The following BTAF1 variants were observed in gnomAD, a reference collection of about 807,000 sequenced individuals.
The protein encoded by BTAF1 is B-TFIID TATA-box binding protein associated factor 1, also known as TATA-binding protein-associated factor 172.
A neutral mutation model predicts 227.1 loss-of-function variants in BTAF1; 38 were observed. The observed-to-expected ratio is 0.17, with a 90% CI of 0.13 to 0.22. BTAF1 has a LOEUF of 0.22. Ranked by LOEUF, BTAF1 falls within the 10% of genes least tolerant of loss-of-function variation. The pLI is 1.00. For synonymous variants in BTAF1, 742 were observed against 751.9 expected (o/e 0.99, Z 0.21); for missense variants, 1,598 against 2,204.0 (o/e 0.73, Z 5.51).
rs1346858395 is a variant in BTAF1, at chr10:91,997,699, G to C, written c.3608G>C (p.Arg1203Thr). The C allele has an allele frequency of 6.2e-7, 1 of 1,614,056 alleles. No individual in the cohort carries two copies. Among genetic ancestry groups the C allele is most frequent in the Non-Finnish European group, 8.5e-7 (1 of 1,180,014 alleles). Residue 1203 changes from arginine (R) to threonine (T), a missense_variant, in exon 25 of 38, where the codon AGA becomes ACA. Around this residue, in one of 10 missense-constraint regions of BTAF1, gnomAD observed 425 missense variants for 491.2 expected, o/e 0.87. Coordinates refer to ENST00000265990, the MANE Select transcript of BTAF1 (RefSeq NM_003972.3). Reference sequence around the variant, plus strand: ...ATGAGTGATCAGACAGACAGTGTGAGATTCATGGCCACGCAGTGCTTTGCA... The same window carrying C: ...ATGAGTGATCAGACAGACAGTGTGACATTCATGGCCACGCAGTGCTTTGCA... Reference protein sequence around the residue: ...GRMSDQTDSVRFMATQCFATL... With the variant: ...GRMSDQTDSVTFMATQCFATL...
chr10:91,980,365 G>A, intron 14 of BTAF1, 89 bp from the exon 15 acceptor site: 3 of 946,794 alleles, frequency 3.2e-6, no homozygotes, highest in Non-Finnish European at 5.0e-6. Flanking sequence ...TTTCATGGTA[G>A]TACTTTTGTT....
In BTAF1 at chr10:92,029,080, G is replaced by A; in HGVS notation, c.*147G>A. ...GCATAATGCTGGCTCTTGTTTCACT[G>A]GGGGAAACAAGTTATTCTCAAATAT... On this transcript the variant is annotated 3_prime_UTR_variant, in exon 38 of 38. Transcript: ENST00000265990. 1.6e-6 allele frequency: 1 copy of A among 643,006 alleles called. No homozygotes were observed. The highest frequency in any genetic ancestry group is 3.4e-5 in the South Asian group (1 of 29,554). 39.8% of individuals were successfully genotyped at this position (643,006 alleles called of 1,614,324 possible).
At chr10:91,938,976 A>C (rs1221497199) in intron 2 of BTAF1, among the ~76,000 whole-genome samples, 23 of 43,424 alleles carry the variant, frequency 5.3e-4, no homozygotes, top group Non-Finnish European at 7.8e-4. Flanking sequence ...CCATTTCTGC[A>C]AAAAAAAAAA....
rs967360737 is a variant in BTAF1 at position 92,029,677 on chromosome 10, A to G, written c.*744A>G. On this transcript the variant is annotated 3_prime_UTR_variant, in exon 38 of 38. Transcript: ENST00000265990. ...TAACATATGTACTCAATAGGTTTCA[A>G]TCATATATATAATATATTTTTTGTA... is the stretch of plus-strand genomic sequence containing the variant. 1 of 151,764 alleles carries G rather than the reference A, an allele frequency of 6.6e-6. No homozygotes were observed. The highest frequency in any genetic ancestry group is 2.4e-5 in the African/African-American group (1 of 41,164). 9.4% of individuals were successfully genotyped at this position (151,764 alleles called of 1,614,324 possible).
At chr10:92,005,096 T>C (rs944422280) in intron 25 of BTAF1, among the ~76,000 whole-genome samples, 1 of 152,218 alleles carries the variant, frequency 6.6e-6, no homozygotes, top group Non-Finnish European at 1.5e-5. Context: ...TGGTCTTTGC[T>C]GTTTTTATGC....
Position 92,018,806 on chromosome 10 carries a change from G to A in BTAF1, c.4734G>A (p.Leu1578=), listed in dbSNP as rs765158380. The change falls in exon 34 of 38, where the codon CTG becomes CTA. Residue 1578 remains leucine, a synonymous_variant. Transcript: ENST00000265990. ...VFQALQYLRK[L]CNHPALVLTP... ...AGGCATTACAGTACTTACGTAAACT[G>A]TGCAACCATCCAGCATTAGTCTTAA... 6.9e-6 allele frequency: 11 copies of A among 1,590,940 alleles called. No homozygotes were observed. The highest frequency in any genetic ancestry group is 1.9e-5 in the Admixed American group (1 of 53,366).
At chr10:92,014,977 T>G (rs926203544) in intron 32 of BTAF1, among the ~76,000 whole-genome samples, 2 of 152,254 alleles carry the variant, frequency 1.3e-5, no homozygotes, top group African/African-American at 4.8e-5. Context: ...ATATTGTATC[T>G]TATGGGATGA....
intron 34 of BTAF1, among the ~76,000 whole-genome samples, chr10:92,019,228 A>G (rs1229352359): frequency 4.6e-5 from 7 of 152,364 alleles, no homozygotes; most frequent in African/African-American, 1.7e-4. Context: ...CTCTATATTC[A>G]TCAAGCAATA....
Position 91,929,055 on chromosome 10 carries a change from C to G in BTAF1, c.14+4965C>G, listed in dbSNP as rs1027901519. Among the ~76,000 whole-genome samples the G allele has an allele frequency of 6.6e-5, 10 of 152,276 alleles. No homozygotes were observed. The East Asian group carries it at 7.7e-4, about 12-fold the overall frequency. On this transcript the variant is annotated intron_variant, in intron 1 of 37. Coordinates refer to ENST00000265990, the MANE Select transcript of BTAF1 (RefSeq NM_003972.3). ...TTGCAAACTCCTGGGCTCCAGTGATCCACGTGGCTTTGCCCCTAAAGTGCT... is the reference window on the plus strand; with the variant it reads ...TTGCAAACTCCTGGGCTCCAGTGATGCACGTGGCTTTGCCCCTAAAGTGCT...
intron 14 of BTAF1, among the ~76,000 whole-genome samples, chr10:91,975,881 C>T (rs937560379): frequency 2.0e-5 from 3 of 152,174 alleles, no homozygotes; most frequent in African/African-American, 4.8e-5. Context: ...TGACACCAAA[C>T]GTGTGGGTTT....
Position 91,982,092 on chromosome 10 carries a change from G to A in BTAF1, c.1915G>A (p.Gly639Ser), listed in dbSNP as rs752781669. Reference protein sequence around the residue: ...EVKARAKEKTGGKVRQGQSQN... With the variant: ...EVKARAKEKTSGKVRQGQSQN... Reference sequence around the variant, plus strand: ...TCCCCTCCCTCTGTAGGAAAAAACAGGTGGTAAGGTGCGCCAAGGCCAAAG... The same window carrying A: ...TCCCCTCCCTCTGTAGGAAAAAACAAGTGGTAAGGTGCGCCAAGGCCAAAG... Residue 639 changes from glycine (G) to serine (S), a missense_variant, in exon 17 of 38, where the codon GGT becomes AGT. Coordinates refer to ENST00000265990, the MANE Select transcript of BTAF1 (RefSeq NM_003972.3). The A allele has an allele frequency of 1.1e-5, 17 of 1,612,298 alleles. No homozygotes were observed. The South Asian group carries it at 1.8e-4, about 17-fold the overall frequency.
Position 91,959,920 on chromosome 10 carries a change from C to T in BTAF1, c.1086+40C>T, listed in dbSNP as rs756267328. On this transcript the variant is annotated intron_variant, in intron 10 of 37. Coordinates refer to ENST00000265990, the MANE Select transcript of BTAF1 (RefSeq NM_003972.3). ...AGGGAGGCTTTGCCCAATCAAATTT[C>T]AAATTCTACAAAATACGTTTTTTGC... The T allele has an allele frequency of 1.7e-5, 27 of 1,600,164 alleles. No individual in the cohort carries two copies. The East Asian group carries it at 4.0e-4, about 24-fold the overall frequency.
intron 3 of BTAF1, 31 bp downstream of exon 3, chr10:91,940,097 T>G (rs781516991): frequency 7.1e-7 from 1 of 1,406,060 alleles, no homozygotes; most frequent in African/African-American, 1.4e-5. Context: ...TAGTTTTAAG[T>G]AAAAACCTAA....
intron 1 of BTAF1, among the ~76,000 whole-genome samples, chr10:91,926,108 A>G (rs1230397895): frequency 6.6e-6 from 1 of 152,036 alleles, no homozygotes; most frequent in Non-Finnish European, 1.5e-5. Flanking sequence ...TTGAATGGCA[A>G]ATTTTAGTTT....
At chr10:91,933,896 A>G (rs1844426044) in intron 1 of BTAF1, among the ~76,000 whole-genome samples, 1 of 152,230 alleles carries the variant, frequency 6.6e-6, no homozygotes, top group South Asian at 2.1e-4. Context: ...ATATTGGAGA[A>G]AGGATGATTG....
At chr10:91,982,529 A>G (rs927338646) in intron 17 of BTAF1, 58 bp from the exon 18 acceptor site, 4 of 1,519,282 alleles carry the variant, frequency 2.6e-6, no homozygotes, top group Non-Finnish European at 8.8e-7. Context: ...TTCCCGAAGT[A>G]TGGGGAAACT....
chr10:91,951,347 G>A (rs1448094687), intron 4 of BTAF1, 56 bp from the exon 5 acceptor site: 9 of 1,545,564 alleles, frequency 5.8e-6, no homozygotes, highest in African/African-American at 2.8e-5. Context: ...TGATGTGCAC[G>A]TATTAGAAAA....
intron 19 of BTAF1, among the ~76,000 whole-genome samples, chr10:91,985,444 A>G (rs1589879522): frequency 6.6e-6 from 1 of 152,096 alleles, no homozygotes; most frequent in African/African-American, 2.4e-5. Context: ...AAGTCACTAT[A>G]AACGTTCTTC....
At chr10:91,955,173 T>C (rs4509678) in intron 6 of BTAF1, among the ~76,000 whole-genome samples, 21,094 of 152,234 alleles carry the variant, frequency 0.14, 1,747 homozygotes, top group East Asian at 0.22. Flanking sequence ...ATTAAGATCA[T>C]ATAGTAACCT....
Sources: allele counts gnomAD v4.1 joint callset (sites outside exome capture counted in the v4.1 genomes callset), GRCh38; gene constraint gnomAD v4.1.1; regional missense constraint gnomAD v4.1.1; transcripts MANE v1.5; gene names NCBI Gene and HGNC (gene_info 2026-07-23, HGNC 2026-07-21).